Variants in GANAB observed in about 807,000 individuals in gnomAD.
GANAB encodes glucosidase II alpha subunit.
In GANAB, 35 loss-of-function variants were observed where a neutral mutation model predicts 129.9. That is an observed-to-expected ratio of 0.27 (90% CI 0.21 to 0.36). The LOEUF (loss-of-function observed/expected upper bound fraction) is 0.36, where lower values mean the gene tolerates loss of function less well. Among genes scored for constraint, GANAB ranks in the 10% least tolerant of loss-of-function variants. The probability of loss-of-function intolerance (pLI) is 1.00; values close to 1 mark genes in which losing one functional copy is unlikely to be tolerated. For synonymous variants in GANAB, 482 were observed against 451.8 expected (o/e 1.07, Z -0.85); for missense variants, 939 against 1,221.0 (o/e 0.77, Z 3.44).
At chr11:62,639,178 A>G in intron 3 of GANAB, 68 bp from the exon 4 acceptor site, 1 of 1,557,312 alleles carries the variant, frequency 6.4e-7, no homozygotes, top group East Asian at 2.3e-5. Flanking sequence ...CTTTGAACCC[A>G]TTCTCTCCTA....
chr11:62,630,788 C>T lies in GANAB; in HGVS notation c.1199G>A (p.Arg400His), dbSNP rs770519542. Reference sequence around the variant, plus strand: ...ATCAGCCTCGTCCCGGTAGTTCCAACGGCTCTGGTGGTAGCCGAGGGAGAA... The same window carrying T: ...ATCAGCCTCGTCCCGGTAGTTCCAATGGCTCTGGTGGTAGCCGAGGGAGAA... The part of the protein sequence containing the change: ...PLFSLGYHQS[R>H]WNYRDEADVL... Residue 400 changes from arginine (R) to histidine (H), a missense_variant, in exon 11 of 24, where the codon CGT becomes CAT. Physicochemically the swap from Arg to His is conservative, Grantham distance 29. Around this residue, in one of 5 missense-constraint regions of GANAB, gnomAD observed 220 missense variants for 295.9 expected, o/e 0.74. Transcript: ENST00000356638. 1.2e-6 allele frequency: 2 copies of T among 1,614,054 alleles called. No homozygotes were observed. Among genetic ancestry groups the T allele is most frequent in the Non-Finnish European group, 1.7e-6 (2 of 1,179,992 alleles).
intron 4 of GANAB, among the ~76,000 whole-genome samples, chr11:62,636,375 T>TG (rs911986390): frequency 2.0e-5 from 3 of 152,002 alleles, no homozygotes; most frequent in African/African-American, 7.2e-5. Context: ...CCGAGGCAGG[T>TG]GGATCGCTTG....
intron 9 of GANAB, 82 bp downstream of exon 9, chr11:62,632,482 AT>A (rs909027177): frequency 3.2e-5 from 35 of 1,088,344 alleles, no homozygotes; most frequent in African/African-American, 3.1e-4. Context: ...CAGTCCCCAA[AT>A]AGCTAATGCC....
At chr11:62,634,293 G>T in intron 5 of GANAB, 2 of 1,532,068 alleles carry the variant, frequency 1.3e-6, no homozygotes, top group African/African-American at 1.4e-5. Flanking sequence ...ATACAGTACC[G>T]GTGGCCATGG....
intron 5 of GANAB, chr11:62,633,739 A>G (rs1450867393): frequency 5.1e-6 from 3 of 591,560 alleles, no homozygotes; most frequent in Non-Finnish European, 6.0e-6. Flanking sequence ...TGCCACCAGG[A>G]GGCACAGGCC....
At chr11:62,639,202 T>C in intron 3 of GANAB, 92 bp from the exon 4 acceptor site, 1 of 1,446,918 alleles carries the variant, frequency 6.9e-7, no homozygotes, top group Non-Finnish European at 9.6e-7. Flanking sequence ...GGTTTCTTCC[T>C]TTGAGCCCTT....
chr11:62,641,279 G>A (rs943596792), intron 1 of GANAB, among the ~76,000 whole-genome samples: 1 of 148,298 alleles, frequency 6.7e-6, no homozygotes, highest in African/African-American at 2.5e-5. Context: ...GGGAGGCAGA[G>A]GTTGCAGTGA....
At chr11:62,639,566 G>A (rs1405367440) in intron 2 of GANAB, 61 bp downstream of exon 2, 2 of 1,450,526 alleles carry the variant, frequency 1.4e-6, no homozygotes, top group Middle Eastern at 1.7e-4. Context: ...ATCTGCCACA[G>A]ATATCTCCCA....
chr11:62,646,507 G>A, intron 1 of GANAB, 55 bp downstream of exon 1: 1 of 1,586,704 alleles, frequency 6.3e-7, no homozygotes, highest in Non-Finnish European at 8.7e-7. Flanking sequence ...AGTGGAATGG[G>A]ACTTGGGGGA....
At chr11:62,639,167 T>C in intron 3 of GANAB, 57 bp from the exon 4 acceptor site, 1 of 1,591,416 alleles carries the variant, frequency 6.3e-7, no homozygotes, top group Non-Finnish European at 8.6e-7. Context: ...CATGGAATGC[T>C]CTTTGAACCC....
intron 1 of GANAB, among the ~76,000 whole-genome samples, chr11:62,643,104 G>A (rs148089321): frequency 6.6e-6 from 1 of 152,182 alleles, no homozygotes; most frequent in Non-Finnish European, 1.5e-5. Flanking sequence ...TGACAGATAA[G>A]AGACTAATAG....
At chr11:62,636,930 A>T (rs572062259) in intron 4 of GANAB, among the ~76,000 whole-genome samples, 3 of 151,536 alleles carry the variant, frequency 2.0e-5, no homozygotes, top group Admixed American at 6.6e-5. Flanking sequence ...TGTCTCAAAA[A>T]ATATATATAT....
chr11:62,631,317 G>A (rs777053334), intron 9 of GANAB, 134 bp from the exon 10 acceptor site: 39 of 718,852 alleles, frequency 5.4e-5, no homozygotes, highest in African/African-American at 3.7e-4. Flanking sequence ...AAGACTAAAC[G>A]GGGCCTCTTC....
intron 5 of GANAB, chr11:62,633,814 G>A: frequency 2.0e-6 from 1 of 502,778 alleles, no homozygotes; most frequent in South Asian, 2.4e-5. Context: ...CCTGGGTTAT[G>A]AATGCCAATC....
At chr11:62,634,409 A>G (rs756699595) in intron 5 of GANAB, 2 of 1,372,406 alleles carry the variant, frequency 1.5e-6, no homozygotes, top group Admixed American at 3.4e-5. Context: ...GGAAGGGGAA[A>G]AAGAGGCACA....
chr11:62,640,972 T>C (rs1944226476), intron 1 of GANAB, among the ~76,000 whole-genome samples: 2 of 151,798 alleles, frequency 1.3e-5, no homozygotes, highest in Admixed American at 1.3e-4. Flanking sequence ...TAGTACCATA[T>C]GCGTGGAACA....
intron 4 of GANAB, among the ~76,000 whole-genome samples, chr11:62,635,559 G>T (rs1372426980): frequency 6.8e-6 from 1 of 146,900 alleles, no homozygotes; most frequent in Non-Finnish European, 1.5e-5. Flanking sequence ...ATTCAAAAAT[G>T]GAACTGAAAA....
chr11:62,646,450 C>T (rs994603714), intron 1 of GANAB, 112 bp downstream of exon 1: 7 of 1,245,716 alleles, frequency 5.6e-6, no homozygotes, highest in Non-Finnish European at 8.1e-6. Flanking sequence ...AACAAAGGTT[C>T]CTCACGAGGC....
At chr11:62,634,280 C>T (rs756531091) in intron 5 of GANAB, 2 of 1,450,436 alleles carry the variant, frequency 1.4e-6, no homozygotes, top group Non-Finnish European at 1.9e-6. Context: ...GGCAGAGGAA[C>T]AGATACAGTA....
Sources: allele counts gnomAD v4.1 joint callset (sites outside exome capture counted in the v4.1 genomes callset), GRCh38; gene constraint gnomAD v4.1.1; regional missense constraint gnomAD v4.1.1; transcripts MANE v1.5; gene names NCBI Gene and HGNC (gene_info 2026-07-23, HGNC 2026-07-21).